Variants in TTBK1 observed in about 807,000 individuals in gnomAD.
The protein encoded by TTBK1 is tau-tubulin kinase 1.
TTBK1 carries 34 observed loss-of-function variants against 108.5 expected under a neutral mutation model. The ratio of observed to expected loss-of-function variants is 0.31; its 90% confidence interval spans 0.24 to 0.42. The LOEUF (loss-of-function observed/expected upper bound fraction) is 0.42, where lower values mean the gene tolerates loss of function less well. TTBK1 is among the 10% of genes least tolerant of loss of function. The pLI is 1.00. For synonymous variants in TTBK1, 809 were observed against 795.1 expected, an observed-to-expected ratio of 1.02 and a Z score of -0.29; for missense variants, 1,539 against 1,826.0, an observed-to-expected ratio of 0.84 and a Z score of 2.86.
At position 43,259,176 on chromosome 6, in the gene TTBK1, T is replaced by C; in HGVS notation, c.1155T>C (p.Ser385=). The C allele has an allele frequency of 6.2e-7, 1 of 1,611,194 alleles. No homozygotes were observed. Among genetic ancestry groups the C allele is most frequent in the South Asian group, 1.1e-5 (1 of 90,854 alleles). The change falls in exon 11 of 15, where the codon AGT becomes AGC. Residue 385 remains serine (S), a synonymous_variant. Transcript: ENST00000259750. The surrounding 1 kb of genome is among the most constrained non-coding windows in gnomAD (Gnocchi z 6.7). ...PGRPSEGLGP[S]PHLVPHPGGP... ...GGCCCTCTGAGGGGCTGGGCCCCAG[T>C]CCCCACCTTGTCCCCCACCCCGGGG... is the stretch of plus-strand genomic sequence containing the variant.
At position 43,262,895 on chromosome 6, in the gene TTBK1, C is replaced by T. The variant is rs1777579245; in HGVS notation, c.1531C>T (p.Arg511Cys). ...CCACGCTGACCGACAGGCCAGTGGC[C>T]GCATGGACGTGTCAGCCTCTGTGGA... is the stretch of plus-strand genomic sequence containing the variant. ...TGHADRQASG[R>C]MDVSASVEQE... The change falls in exon 13 of 15, where the codon CGC becomes TGC. Residue 511 changes from arginine (R) to cysteine (C), a missense_variant. This residue lies in a region of TTBK1 where 277 missense variants were observed against 332.4 expected (regional missense o/e 0.83). Transcript: ENST00000259750. The T allele has an allele frequency of 5.0e-6, 8 of 1,613,614 alleles. No individual in the cohort carries two copies. Among genetic ancestry groups the T allele is most frequent in the Non-Finnish European group, 5.9e-6 (7 of 1,179,878 alleles).
chr6:43,281,811 C>T (rs989113918), intron 13 of TTBK1, among the ~76,000 whole-genome samples: 1 of 152,198 alleles, frequency 6.6e-6, no homozygotes, highest in African/African-American at 2.4e-5. Flanking sequence ...CCCTGATGCG[C>T]CCAGGGCATT....
chr6:43,254,795 C>T (rs1777341049), intron 6 of TTBK1, 144 bp downstream of exon 6: 1 of 772,136 alleles, frequency 1.3e-6, no homozygotes, highest in East Asian at 2.7e-5. Context: ...TGGGTGTCCA[C>T]ACTCGGCCTG....
intron 13 of TTBK1, chr6:43,271,408 A>T: frequency 1.0e-6 from 1 of 985,418 alleles, no homozygotes. Flanking sequence ...CACGTGCGCA[A>T]GTTGCACAGT....
rs1280204288 is a variant in TTBK1 at position 43,253,447 on chromosome 6, TG to T, written c.330+85del. The T allele has an allele frequency of 1.3e-6, 2 of 1,599,500 alleles. No homozygotes were observed. Among genetic ancestry groups the T allele is most frequent in the African/African-American group, 2.7e-5 (2 of 74,390 alleles). ...GGGTAGGGGAAGGGAAGGTAGACTG[TG>T]GCCCTGGGAAAGGGCAGTGGGCACA... On this transcript the variant is annotated intron_variant, in intron 4 of 14. Transcript: ENST00000259750. This position sits in a 1 kb window ranked among gnomAD's most constrained non-coding sequence, Gnocchi z 5.8.
rs373899544 is a variant in TTBK1 at position 43,274,339 on chromosome 6, C to T, written c.1987-8388C>T. Among the ~76,000 whole-genome samples, 14 of 152,294 alleles carry T rather than the reference C, an allele frequency of 9.2e-5. 2 individuals carry two copies. The highest frequency in any genetic ancestry group is 6.5e-4 in the Admixed American group (10 of 15,302). On this transcript the variant is annotated intron_variant, in intron 13 of 14. Transcript: ENST00000259750. ...CCATGCTGGTCCCAGGACACCCGGA[C>T]TCGCTCTCTCTTCTGTCCTGCCTAG...
chr6:43,282,587 C>G lies in TTBK1; in HGVS notation c.1987-140C>G. On this transcript the variant is annotated intron_variant, in intron 13 of 14. Coordinates refer to ENST00000259750, the MANE Select transcript of TTBK1 (RefSeq NM_032538.3). This position sits in a 1 kb window ranked among gnomAD's most constrained non-coding sequence, Gnocchi z 5.4. ...AGCAGTGAACAAGACAGACCCAGTG[C>G]CTGTGCTTAACTTTATGGAGCTCAC... The G allele has an allele frequency of 5.8e-6, 4 of 694,912 alleles. No homozygotes were observed. The highest frequency in any genetic ancestry group is 9.9e-6 in the Non-Finnish European group (4 of 403,186). The allele number at this position is 694,912 out of a possible 1,614,324, so 43.0% of individuals were successfully genotyped here. A position where few individuals can be genotyped will look rare whatever the true frequency, so the allele number is the denominator to read the frequency against.
intron 2 of TTBK1, among the ~76,000 whole-genome samples, chr6:43,251,549 C>T (rs1245617008): frequency 1.3e-5 from 2 of 152,222 alleles, no homozygotes; most frequent in Admixed American, 6.5e-5. Context: ...GCCAGCAAAG[C>T]CCTCACCCTC....
rs1388282316 is a variant in TTBK1 at position 43,283,020 on chromosome 6, GGAA to G, written c.2286_2288del (p.Glu771del). The G allele has an allele frequency of 2.6e-5, 41 of 1,592,444 alleles. 2 individuals carry two copies. The highest frequency in any genetic ancestry group is 2.0e-4 in the South Asian group (18 of 88,968). ...AAGAGGAGGAAGAGGAAGAGGAGGA[GGAA>G]GAAGAGGAGGAGGAGGAAGAGGAGG... is the stretch of plus-strand genomic sequence containing the variant. On this transcript the variant is annotated inframe_deletion, in exon 14 of 15. Transcript: ENST00000259750. This position sits in a 1 kb window ranked among gnomAD's most constrained non-coding sequence, Gnocchi z 8.1.
rs544503482 is a variant in TTBK1, at chr6:43,263,898, C to T, written c.1986+548C>T. ...CCTGAAATGAGATGCAAGCAGGCCA[C>T]GTGGCAGGCAGTGGCAAGAGAGTGT... On this transcript the variant is annotated intron_variant, in intron 13 of 14. Transcript: ENST00000259750. This position sits in a 1 kb window ranked among gnomAD's most constrained non-coding sequence, Gnocchi z 4.7. Among the ~76,000 whole-genome samples, 33 of 152,270 alleles carry T rather than the reference C, an allele frequency of 2.2e-4. No individual in the cohort carries two copies. Among genetic ancestry groups the T allele is most frequent in the African/African-American group, 6.7e-4 (28 of 41,546 alleles).
In TTBK1 at chr6:43,255,377, C is replaced by T. The variant is rs553637586; in HGVS notation, c.643-175C>T. Among the ~76,000 whole-genome samples the T allele has an allele frequency of 5.8e-3, 887 of 152,260 alleles. 1 individual carries two copies. The highest frequency in any genetic ancestry group is 8.8e-3 in the Non-Finnish European group (600 of 68,008). On this transcript the variant is annotated intron_variant, in intron 7 of 14. Coordinates refer to ENST00000259750, the MANE Select transcript of TTBK1 (RefSeq NM_032538.3). Reference sequence around the variant, plus strand: ...ACACACGGTAGTTTTGGCTGTGGGACTCTGTGGGTGTTGGAGGGTTGGGGA... The same window carrying T: ...ACACACGGTAGTTTTGGCTGTGGGATTCTGTGGGTGTTGGAGGGTTGGGGA...
At chr6:43,262,584 G>A (rs552887577) in intron 12 of TTBK1, among the ~76,000 whole-genome samples, 4 of 152,230 alleles carry the variant, frequency 2.6e-5, no homozygotes, top group Admixed American at 6.5e-5. Context: ...ATGAATGAAC[G>A]AACGAACTAA....
chr6:43,255,659 G>A lies in TTBK1; in HGVS notation c.735+15G>A. On this transcript the variant is annotated intron_variant, in intron 8 of 14. Coordinates refer to ENST00000259750, the MANE Select transcript of TTBK1 (RefSeq NM_032538.3). The stretch of plus-strand genomic sequence containing the variant: ...TCAAGGACAAGGTGAGCCCCAGGCA[G>A]CTGGGTCTGAGGTGGCAGAAGGAGT... 1 of 1,614,160 alleles carries A rather than the reference G, an allele frequency of 6.2e-7. No individual in the cohort carries two copies. Among genetic ancestry groups the A allele is most frequent in the Non-Finnish European group, 8.5e-7 (1 of 1,180,014 alleles).
rs1234427531 is a variant in TTBK1 at position 43,243,876 on chromosome 6, C to T, written c.-55+168C>T. Among the ~76,000 whole-genome samples the T allele has an allele frequency of 6.6e-6, 1 of 152,140 alleles. No individual in the cohort carries two copies. Among genetic ancestry groups the T allele is most frequent in the African/African-American group, 2.4e-5 (1 of 41,450 alleles). ...CTACACCGCCTGGGCCGCGCCGAGG[C>T]CTGGAGCCGCTCCCTGTCCCCAGCA... On this transcript the variant is annotated intron_variant, in intron 1 of 14. Coordinates refer to ENST00000259750, the MANE Select transcript of TTBK1 (RefSeq NM_032538.3). This position sits in a 1 kb window ranked among gnomAD's most constrained non-coding sequence, Gnocchi z 5.5.
chr6:43,271,328 G>A (rs1284878765), intron 13 of TTBK1: 2 of 985,384 alleles, frequency 2.0e-6, no homozygotes, highest in Non-Finnish European at 2.4e-6. Context: ...GGGCTGCCAT[G>A]GATGAATGCT....
chr6:43,268,210 G>A (rs1777732951), intron 13 of TTBK1, among the ~76,000 whole-genome samples: 2 of 152,146 alleles, frequency 1.3e-5, no homozygotes, highest in Non-Finnish European at 2.9e-5. Flanking sequence ...AACTCTGGCT[G>A]GAATGTTAAC....
intron 13 of TTBK1, chr6:43,270,213 T>C: frequency 7.7e-7 from 1 of 1,302,440 alleles, no homozygotes; most frequent in Non-Finnish European, 9.7e-7. Context: ...GTGGTACAGT[T>C]TCCAGGACAG....
Position 43,285,027 on chromosome 6 carries a change from T to C in TTBK1, c.3617T>C (p.Leu1206Pro). Reference sequence around the variant, plus strand: ...CCAGGGTCGGCCACTGCTGCTGACCTCCGCCCCAAACAACCTCCTGGCCGC... The same window carrying C: ...CCAGGGTCGGCCACTGCTGCTGACCCCCGCCCCAAACAACCTCCTGGCCGC... ...TPPGSATAAD[L>P]RPKQPPGRGL... The change falls in exon 15 of 15, where the codon CTC becomes CCC. Residue 1206 changes from leucine to proline, a missense_variant. Leu to Pro is a moderately conservative substitution (Grantham distance 98). Around this residue, in one of 5 missense-constraint regions of TTBK1, gnomAD observed 1,055 missense variants for 1,086.5 expected, o/e 0.97. Transcript: ENST00000259750. The surrounding 1 kb of genome is among the most constrained non-coding windows in gnomAD (Gnocchi z 4.7). 6.6e-7 allele frequency: 1 copy of C among 1,515,960 alleles called. No individual in the cohort carries two copies. Among genetic ancestry groups the C allele is most frequent in the Non-Finnish European group, 8.8e-7 (1 of 1,138,102 alleles). The allele number at this position is 1,515,960 out of a possible 1,614,324, so 93.9% of individuals were successfully genotyped here. A position where few individuals can be genotyped will look rare whatever the true frequency, so the allele number is the denominator to read the frequency against.
intron 2 of TTBK1, among the ~76,000 whole-genome samples, chr6:43,248,399 G>GGGTC (rs900391190): frequency 2.8e-4 from 42 of 152,204 alleles, no homozygotes; most frequent in Non-Finnish European, 2.2e-4. Flanking sequence ...AAGAAAAAGG[G>GGGTC]GGTCAGTGGC....
Sources: allele counts gnomAD v4.1 joint callset (sites outside exome capture counted in the v4.1 genomes callset), GRCh38; gene constraint gnomAD v4.1.1; regional missense constraint gnomAD v4.1.1; non-coding constraint Gnocchi (gnomAD v3.1); transcripts MANE v1.5; gene names NCBI Gene and HGNC (gene_info 2026-07-23, HGNC 2026-07-21).